The following SLC12A7 variants were observed in gnomAD, a reference collection of about 807,000 sequenced individuals.
SLC12A7 encodes the protein K-Cl cotransporter 4.
Under a neutral mutation model 120.6 loss-of-function variants are expected in SLC12A7, and 100 were observed. That is an observed-to-expected ratio of 0.83 (90% CI 0.71 to 0.98). SLC12A7 has a LOEUF of 0.98. Among genes scored for constraint, SLC12A7 ranks in the 50% least tolerant of loss-of-function variants. The probability of loss-of-function intolerance (pLI) is 0.00; values close to 1 mark genes in which losing one functional copy is unlikely to be tolerated. For missense variants in SLC12A7, 1,373 were observed against 1,548.1 expected (o/e 0.89, Z 1.90); for synonymous variants, 760 against 678.0 (o/e 1.12, Z -1.88).
chr5:1,055,475 G>A (rs555189596), intron 22 of SLC12A7, among the ~76,000 whole-genome samples: 3 of 152,332 alleles, frequency 2.0e-5, no homozygotes, highest in East Asian at 1.9e-4. Flanking sequence ...GGTCAGGGCC[G>A]ACCTCCAGAT....
chr5:1,144,802 G>A, the SLC12A7 span, among the ~76,000 whole-genome samples: 1 of 152,226 alleles, frequency 6.6e-6, no homozygotes, highest in African/African-American at 2.4e-5. Flanking sequence ...CTGCTGAAAT[G>A]CCCGTCTGAA....
the SLC12A7 span, among the ~76,000 whole-genome samples, chr5:1,147,226 C>G: frequency 6.7e-6 from 1 of 150,206 alleles, no homozygotes; most frequent in Non-Finnish European, 1.5e-5. Context: ...AGGAGGGACT[C>G]TCCTCATCAC....
intron 18 of SLC12A7, 101 bp from the exon 19 acceptor site, chr5:1,064,353 G>A (rs928654414): frequency 1.8e-5 from 25 of 1,375,284 alleles, no homozygotes; most frequent in East Asian, 2.5e-5. Flanking sequence ...ACGGCGAGGC[G>A]AGGGGGGTCC....
At chr5:1,093,748 T>C in intron 2 of SLC12A7, 93 bp from the exon 3 acceptor site, 1 of 1,540,896 alleles carries the variant, frequency 6.5e-7, no homozygotes, top group Non-Finnish European at 8.8e-7. Flanking sequence ...GCTCAGGCCC[T>C]CCCCGGGTCC....
the SLC12A7 span, among the ~76,000 whole-genome samples, chr5:1,141,087 G>C: frequency 2.0e-5 from 3 of 152,234 alleles, no homozygotes; most frequent in Non-Finnish European, 4.4e-5. Context: ...CCTCGGGCCT[G>C]AAGTCCCAGG....
the SLC12A7 span, among the ~76,000 whole-genome samples, chr5:1,133,734 TCTG>T: frequency 6.6e-6 from 1 of 152,112 alleles, no homozygotes; most frequent in Non-Finnish European, 1.5e-5. Flanking sequence ...GGTATGAACA[TCTG>T]CTGCTGAATC....
chr5:1,073,589 T>C (rs367569875), intron 17 of SLC12A7, 44 bp downstream of exon 17: 12 of 1,563,584 alleles, frequency 7.7e-6, no homozygotes, highest in Non-Finnish European at 1.0e-5. Flanking sequence ...CCTGTGCAGC[T>C]GGGGTGGGAA....
the SLC12A7 span, among the ~76,000 whole-genome samples, chr5:1,124,946 C>T: frequency 1.3e-5 from 2 of 152,186 alleles, no homozygotes; most frequent in African/African-American, 4.8e-5. Context: ...ACAGACACTA[C>T]TCCAGGGAAC....
At chr5:1,080,952 G>A (rs1738993058) in intron 9 of SLC12A7, among the ~76,000 whole-genome samples, 1 of 151,908 alleles carries the variant, frequency 6.6e-6, no homozygotes, top group African/African-American at 2.4e-5. Context: ...AGCCAAACAG[G>A]CAAGATAAGC....
intron 6 of SLC12A7, among the ~76,000 whole-genome samples, chr5:1,085,815 G>A (rs539344948): frequency 3.3e-5 from 5 of 152,366 alleles, no homozygotes; most frequent in Non-Finnish European, 7.3e-5. Flanking sequence ...CAGGACCCGG[G>A]GCATCCGCAT....
intron 1 of SLC12A7, among the ~76,000 whole-genome samples, chr5:1,106,444 T>C (rs1742534113): frequency 1.0e-5 from 1 of 99,574 alleles, no homozygotes; most frequent in Admixed American, 1.4e-4. Context: ...CAGAGTGAAC[T>C]CTGTCTCAAA....
At chr5:1,154,720 C>T in the SLC12A7 span, among the ~76,000 whole-genome samples, 1 of 152,214 alleles carries the variant, frequency 6.6e-6, no homozygotes, top group South Asian at 2.1e-4. Flanking sequence ...CGGACACGCA[C>T]GGCCCCCACA....
intron 1 of SLC12A7, among the ~76,000 whole-genome samples, chr5:1,098,271 G>C (rs185357383): frequency 0.061 from 225 of 3,668 alleles, 43 homozygotes; most frequent in African/African-American, 0.077. Flanking sequence ...GCACGCCCAG[G>C]CCCCCACAAC....
chr5:1,059,426 C>T (rs1193530807), intron 21 of SLC12A7, among the ~76,000 whole-genome samples: 1 of 152,226 alleles, frequency 6.6e-6, no homozygotes, highest in Non-Finnish European at 1.5e-5. Context: ...CCTGCCTCCG[C>T]CGTCACTGCA....
At chr5:1,090,686 C>T (rs1001391664) in intron 3 of SLC12A7, among the ~76,000 whole-genome samples, 10 of 152,224 alleles carry the variant, frequency 6.6e-5, no homozygotes, top group South Asian at 4.1e-4. Flanking sequence ...GCGGTCCACA[C>T]AGGGGCCCCT....
At chr5:1,107,391 A>G (rs1742611513) in intron 1 of SLC12A7, among the ~76,000 whole-genome samples, 1 of 152,196 alleles carries the variant, frequency 6.6e-6, no homozygotes, top group Admixed American at 6.5e-5. Flanking sequence ...GGAGCTGTGT[A>G]GGACGTGGCC....
chr5:1,065,539 C>A, intron 17 of SLC12A7, 61 bp from the exon 18 acceptor site: 1 of 1,426,808 alleles, frequency 7.0e-7, no homozygotes, highest in East Asian at 2.4e-5. Context: ...CCCACGCCCA[C>A]CACCCACGGT....
the SLC12A7 span, among the ~76,000 whole-genome samples, chr5:1,142,120 C>G: frequency 6.6e-6 from 1 of 151,802 alleles, no homozygotes; most frequent in Non-Finnish European, 1.5e-5. Flanking sequence ...GGGCCGCAGT[C>G]AGTTCACCCG....
At chr5:1,096,953 G>C (rs1017944910) in intron 1 of SLC12A7, among the ~76,000 whole-genome samples, 6 of 151,808 alleles carry the variant, frequency 4.0e-5, no homozygotes, top group Non-Finnish European at 7.4e-5. Context: ...GAGGGTTTCG[G>C]GTTCTCCCTC....
Sources: gnomAD v4.1 joint callset for allele counts (sites outside exome capture counted in the v4.1 genomes callset) on GRCh38, gnomAD v4.1.1 for gene constraint, MANE v1.5 for transcripts, NCBI Gene and HGNC (gene_info 2026-07-23, HGNC 2026-07-21) for gene names.